Variants in GRIN2C observed in about 807,000 individuals in gnomAD.
The protein encoded by GRIN2C is glutamate receptor ionotropic, NMDA 2C.
A neutral mutation model predicts 77.7 loss-of-function variants in GRIN2C; 64 were observed. That is an observed-to-expected ratio of 0.82 (90% confidence interval 0.67 to 1.01). The LOEUF is 1.01. Ranked by LOEUF, GRIN2C falls within the 50% of genes least tolerant of loss-of-function variation. The pLI is 0.00. For synonymous variants in GRIN2C, 792 were observed against 643.4 expected (o/e 1.23, Z -3.49); for missense variants, 1,549 against 1,486.0 (o/e 1.04, Z -0.70).
rs773350494 is a variant in GRIN2C, at chr17:74,846,046, C to T, written c.2350+20G>A. On this transcript the variant is annotated intron_variant, in intron 11 of 12. Coordinates refer to ENST00000293190, the MANE Select transcript of GRIN2C (RefSeq NM_000835.6). This position sits in a 1 kb window ranked among gnomAD's most constrained non-coding sequence, Gnocchi z 4.4. ...GGCTCCACAGCCCACCCTGGGCATC[C>T]CAGCAATGGCAGTACCCACCGTCCC... is the stretch of plus-strand genomic sequence containing the variant. 1.9e-6 allele frequency: 3 copies of T among 1,609,930 alleles called. No individual in the cohort carries two copies. The highest frequency in any genetic ancestry group is 2.2e-5 in the South Asian group (2 of 90,966).
chr17:74,851,257 C>A, intron 4 of GRIN2C: 2 of 354,402 alleles, frequency 5.6e-6, no homozygotes, highest in Non-Finnish European at 1.0e-5. Flanking sequence ...AAGCACTTGT[C>A]CCTGCATATT....
chr17:74,851,005 T>TC (rs1200650014), intron 4 of GRIN2C: 3 of 579,538 alleles, frequency 5.2e-6, no homozygotes, highest in South Asian at 4.1e-5. Flanking sequence ...ACTGTACTGG[T>TC]CCCCCCTGAC....
At chr17:74,851,965 C>A in intron 3 of GRIN2C, 48 bp downstream of exon 3, 1 of 1,404,528 alleles carries the variant, frequency 7.1e-7, no homozygotes, top group East Asian at 2.5e-5. Context: ...CCAGCTCCCC[C>A]GAAGCGCTCC....
chr17:74,856,591 GC>G (rs1382542988), intron 1 of GRIN2C, among the ~76,000 whole-genome samples: 5 of 150,068 alleles, frequency 3.3e-5, no homozygotes, highest in Admixed American at 6.7e-5. Flanking sequence ...CCATCCTCCT[GC>G]CTCGGCCTCC....
chr17:74,860,555 T>A (rs1237594795), upstream of GRIN2C: 2 of 451,698 alleles, frequency 4.4e-6, no homozygotes, highest in Non-Finnish European at 8.9e-6. Flanking sequence ...AACAGGAGAC[T>A]CGGGGCTTCC....
At chr17:74,856,672 G>A (rs942975622) in intron 1 of GRIN2C, among the ~76,000 whole-genome samples, 4 of 151,956 alleles carry the variant, frequency 2.6e-5, no homozygotes, top group African/African-American at 7.2e-5. Flanking sequence ...GTACAGATAG[G>A]GTTTCACCGT....
rs1170683998 is a variant in GRIN2C at position 74,854,853 on chromosome 17, C to G, written c.240G>C (p.Gln80His). The G allele has an allele frequency of 1.2e-6, 2 of 1,613,750 alleles. No individual in the cohort carries two copies. The highest frequency in any genetic ancestry group is 1.1e-5 in the South Asian group (1 of 91,080). The change falls in exon 2 of 13, where the codon CAG (glutamine) becomes CAC (histidine). Residue 80 changes from glutamine (Q) to histidine (H), a missense_variant. Gln to His is a conservative substitution (Grantham distance 24). This residue lies in a region of GRIN2C where 382 missense variants were observed against 360.0 expected (regional missense o/e 1.06). Coordinates refer to ENST00000293190, the MANE Select transcript of GRIN2C (RefSeq NM_000835.6). ...GGGCAGCACCCAGGAGGCCGCAGAT[C>G]TGGGTGAGGAGGCTGCTGGGGTTGG... ...NTTNPSSLLTQICGLLGAAHV... is the reference protein window; with the variant it reads ...NTTNPSSLLTHICGLLGAAHV...
intron 7 of GRIN2C, among the ~76,000 whole-genome samples, chr17:74,848,610 G>C (rs2037534508): frequency 6.6e-6 from 1 of 152,174 alleles, no homozygotes; most frequent in South Asian, 2.1e-4. Flanking sequence ...TGAGGCAAGA[G>C]AATCAGTTGA....
intron 4 of GRIN2C, chr17:74,851,261 G>A (rs2037634116): frequency 5.6e-6 from 2 of 358,630 alleles, no homozygotes; most frequent in Non-Finnish European, 1.0e-5. Flanking sequence ...ACTTGTCCCT[G>A]CATATTGTTT....
upstream of GRIN2C, chr17:74,860,329 C>A: frequency 4.6e-6 from 2 of 438,344 alleles, no homozygotes; most frequent in South Asian, 1.6e-5. Context: ...ACTAAGATAA[C>A]GCCACCATCC....
rs940027387 is a variant in GRIN2C, at chr17:74,846,555, T to A, written c.2162+205A>T. On this transcript the variant is annotated intron_variant, in intron 10 of 12. Coordinates refer to ENST00000293190, the MANE Select transcript of GRIN2C (RefSeq NM_000835.6). This position sits in a 1 kb window ranked among gnomAD's most constrained non-coding sequence, Gnocchi z 4.4. ...CCACCACCTCAGGCTGAGGCTGAAC[T>A]TTGATTGGCACCACAGCTGTGTTCT... 2.0e-5 allele frequency among the ~76,000 whole-genome samples: 3 copies of A among 152,062 alleles called. No individual in the cohort carries two copies. In the East Asian group the frequency reaches 5.8e-4, roughly 29 times the overall value.
At chr17:74,858,371 G>T (rs2638081) in intron 1 of GRIN2C, among the ~76,000 whole-genome samples, 99,586 of 130,726 alleles carry the variant, frequency 0.76, 38,664 homozygotes, top group African/African-American at 0.83. Flanking sequence ...GGGTGGGGGA[G>T]TTGAGGCAGG....
Position 74,842,484 on chromosome 17 carries a change from G to T in GRIN2C, c.3653C>A (p.Pro1218Gln), listed in dbSNP as rs760921839. 2 of 778,156 alleles carry T rather than the reference G, an allele frequency of 2.6e-6. No homozygotes were observed. Among genetic ancestry groups the T allele is most frequent in the Admixed American group, 3.4e-5 (2 of 58,694 alleles). The allele number at this position is 778,156 out of a possible 1,614,324, so 48.2% of individuals were successfully genotyped here. ...GATCCGTCTCCAGGTGCAGGGTCCC[G>T]GGAAGCCTTGCGTCCCACGGGCTAC... is the stretch of plus-strand genomic sequence containing the variant. Reference protein sequence around the residue: ...SRVARGTQGFPGPCTWRRISS... With the variant: ...SRVARGTQGFQGPCTWRRISS... Residue 1218 changes from proline to glutamine, a missense_variant, in exon 13 of 13, where the codon CCG becomes CAG. Coordinates refer to ENST00000293190, the MANE Select transcript of GRIN2C (RefSeq NM_000835.6).
chr17:74,847,630 C>G lies in GRIN2C; in HGVS notation c.1772-93G>C, dbSNP rs1461982652. On this transcript the variant is annotated intron_variant, in intron 8 of 12. Transcript: ENST00000293190. The surrounding 1 kb of genome is among the most constrained non-coding windows in gnomAD (Gnocchi z 5.2). ...CCACCCGACTGCACAGCTCCGGTCTCAGCCTGGCCTTGGGGGGGACGCGTC... is the reference window on the plus strand; with the variant it reads ...CCACCCGACTGCACAGCTCCGGTCTGAGCCTGGCCTTGGGGGGGACGCGTC... 1.3e-5 allele frequency: 13 copies of G among 1,031,140 alleles called. No homozygotes were observed. In the East Asian group the frequency reaches 3.1e-4, roughly 25 times the overall value. 63.9% of individuals were successfully genotyped at this position (1,031,140 alleles called of 1,614,324 possible).
rs1218656008 is a variant in GRIN2C, at chr17:74,846,858, C to T, written c.2064G>A (p.Thr688=). ...GGTAGTTACTGCGGATGTTCCGCTC[C>T]GTGCTGCCGTTGGGCACCGTGCCGA... is the stretch of plus-strand genomic sequence containing the variant. ...FRFGTVPNGS[T]ERNIRSNYRD... Residue 688 remains threonine (T), a synonymous_variant, in exon 10 of 13, where the codon ACG becomes ACA. Transcript: ENST00000293190. This position sits in a 1 kb window ranked among gnomAD's most constrained non-coding sequence, Gnocchi z 4.4. 2 of 1,614,124 alleles carry T rather than the reference C, an allele frequency of 1.2e-6. No individual in the cohort carries two copies. Among genetic ancestry groups the T allele is most frequent in the Non-Finnish European group, 8.5e-7 (1 of 1,180,006 alleles).
intron 11 of GRIN2C, among the ~76,000 whole-genome samples, chr17:74,845,625 G>T (rs2037431901): frequency 1.3e-5 from 2 of 152,094 alleles, no homozygotes; most frequent in South Asian, 4.1e-4. Flanking sequence ...AGCTCTCTCT[G>T]GGTTTGGGGG....
In GRIN2C at chr17:74,852,445, C is replaced by T. The variant is rs995578788; in HGVS notation, c.566G>A (p.Ser189Asn). ...GTCCAGCAGCCGCCAACTCACGTGG[C>T]TGGCGTCGGCGACGGCGCGCACGCC... ...LEGVRAVADASHVSWRLLDVV... is the reference protein window; with the variant it reads ...LEGVRAVADANHVSWRLLDVV... The change falls in exon 3 of 13, where the codon AGC (serine) becomes AAC (asparagine). Residue 189 changes from serine (S) to asparagine (N), a missense_variant. This residue lies in a region of GRIN2C where 382 missense variants were observed against 360.0 expected (regional missense o/e 1.06). Coordinates refer to ENST00000293190, the MANE Select transcript of GRIN2C (RefSeq NM_000835.6). 1.9e-6 allele frequency: 3 copies of T among 1,542,058 alleles called. No homozygotes were observed. Among genetic ancestry groups the T allele is most frequent in the African/African-American group, 1.4e-5 (1 of 70,528 alleles).
At position 74,852,472 on chromosome 17, in the gene GRIN2C, T is replaced by C. The variant is rs1385740688; in HGVS notation, c.539A>G (p.Glu180Gly). Reference sequence around the variant, plus strand: ...GGCGTCGGCGACGGCGCGCACGCCCTCCAGGAAGAGCGCGTGGCCCGGGTG... The same window carrying C: ...GGCGTCGGCGACGGCGCGCACGCCCCCCAGGAAGAGCGCGTGGCCCGGGTG... ...SLHPGHALFL[E>G]GVRAVADASH... Residue 180 changes from glutamate (E) to glycine (G), a missense_variant, in exon 3 of 13, where the codon GAG (glutamate) becomes GGG (glycine). Coordinates refer to ENST00000293190, the MANE Select transcript of GRIN2C (RefSeq NM_000835.6). 6.4e-7 allele frequency: 1 copy of C among 1,560,602 alleles called. No individual in the cohort carries two copies. The highest frequency in any genetic ancestry group is 8.6e-7 in the Non-Finnish European group (1 of 1,163,254).
rs759740884 is a variant in GRIN2C at position 74,852,516 on chromosome 17, G to A, written c.495C>T (p.Phe165=). The A allele has an allele frequency of 1.9e-6, 3 of 1,568,242 alleles. No homozygotes were observed. The highest frequency in any genetic ancestry group is 2.6e-6 in the Non-Finnish European group (3 of 1,165,230). The stretch of plus-strand genomic sequence containing the variant: ...CCGGGTGCAGGCTGGTGATGACGGC[G>A]AAGGCGCTCCAGTCGTACTCTTCCA... ...KVLEEYDWSA[F]AVITSLHPGH... is the part of the protein sequence containing the mutation. Residue 165 remains phenylalanine, a synonymous_variant, in exon 3 of 13, where the codon TTC becomes TTT. Coordinates refer to ENST00000293190, the MANE Select transcript of GRIN2C (RefSeq NM_000835.6).
Sources: gnomAD v4.1 joint callset for allele counts (sites outside exome capture counted in the v4.1 genomes callset) on GRCh38, gnomAD v4.1.1 for gene constraint, gnomAD v4.1.1 regional missense constraint, Gnocchi (gnomAD v3.1) non-coding constraint, MANE v1.5 for transcripts, NCBI Gene and HGNC (gene_info 2026-07-23, HGNC 2026-07-21) for gene names.